The following NDUFAF2 variants were observed in gnomAD, a reference collection of about 807,000 sequenced individuals.
NDUFAF2 encodes NADH dehydrogenase [ubiquinone] 1 alpha subcomplex assembly factor 2.
In NDUFAF2, 13 loss-of-function variants were observed where a neutral mutation model predicts 22.8. The ratio of observed to expected loss-of-function variants is 0.57; its 90% CI spans 0.37 to 0.91. The LOEUF (loss-of-function observed/expected upper bound fraction) is 0.91. Ranked by LOEUF, NDUFAF2 falls within the 40% of genes least tolerant of loss-of-function variation. The pLI, the probability that NDUFAF2 is intolerant of heterozygous loss-of-function variation, is 0.01. For synonymous variants in NDUFAF2, 53 were observed against 64.2 expected, an observed-to-expected ratio of 0.83 and a Z score of 0.84; for missense variants, 162 against 195.2, an observed-to-expected ratio of 0.83 and a Z score of 1.01.
chr5:60,997,177 T>C (rs1751238715), intron 1 of NDUFAF2, among the ~76,000 whole-genome samples: 1 of 152,212 alleles, frequency 6.6e-6, no homozygotes, highest in Non-Finnish European at 1.5e-5. Flanking sequence ...CATTGATGCA[T>C]ATTAACAGCA....
chr5:61,142,120 G>C (rs774313648), intron 3 of NDUFAF2, among the ~76,000 whole-genome samples: 9 of 152,058 alleles, frequency 5.9e-5, no homozygotes, highest in Non-Finnish European at 1.2e-4. Context: ...TCTCCCACCA[G>C]GGTAGTTCAA....
chr5:60,973,116 T>A (rs1750857598), intron 1 of NDUFAF2, among the ~76,000 whole-genome samples: 1 of 152,164 alleles, frequency 6.6e-6, no homozygotes, highest in Non-Finnish European at 1.5e-5. Flanking sequence ...GATCCTTGCC[T>A]TTGTTTTAGA....
intron 2 of NDUFAF2, among the ~76,000 whole-genome samples, chr5:61,083,867 A>C (rs2111746243): frequency 6.6e-6 from 1 of 151,888 alleles, no homozygotes; most frequent in African/African-American, 2.4e-5. Context: ...CTCACTTATC[A>C]ATTGTATCAT....
intron 1 of NDUFAF2, among the ~76,000 whole-genome samples, chr5:61,051,349 T>C (rs1752021741): frequency 2.0e-5 from 3 of 152,188 alleles, no homozygotes; most frequent in African/African-American, 7.2e-5. Flanking sequence ...TTGCAGTCAA[T>C]CTGTGTTCCT....
At chr5:61,128,373 G>A (rs1318453468) in intron 3 of NDUFAF2, among the ~76,000 whole-genome samples, 1 of 152,142 alleles carries the variant, frequency 6.6e-6, no homozygotes, top group Non-Finnish European at 1.5e-5. Context: ...AAAGCTGGAG[G>A]CATCACGCTA....
Position 61,020,945 on chromosome 5 carries a change from C to T in NDUFAF2, c.128-52180C>T, listed in dbSNP as rs531989935. Among the ~76,000 whole-genome samples the T allele has an allele frequency of 1.5e-4, 23 of 150,250 alleles. No homozygotes were observed. The East Asian group carries it at 4.1e-3, about 27-fold the overall frequency. ...TCCTGACCTCGTGATCCGCCTGCCT[C>T]GGCCTCCCAGACTGCTGGGATTACA... On this transcript the variant is annotated intron_variant, in intron 1 of 3. Coordinates refer to ENST00000296597, the MANE Select transcript of NDUFAF2 (RefSeq NM_174889.5).
intron 3 of NDUFAF2, among the ~76,000 whole-genome samples, chr5:61,151,278 G>A (rs572419692): frequency 6.6e-6 from 1 of 151,486 alleles, no homozygotes; most frequent in Non-Finnish European, 1.5e-5. Context: ...ATATCCAGAT[G>A]TTGCCCTTTA....
At chr5:60,962,704 G>A (rs1170816306) in intron 1 of NDUFAF2, among the ~76,000 whole-genome samples, 3 of 151,276 alleles carry the variant, frequency 2.0e-5, no homozygotes, top group South Asian at 2.1e-4. Flanking sequence ...CTGGTGGCAC[G>A]CGCCTGTAGT....
At chr5:60,968,356 T>A (rs1392384924) in intron 1 of NDUFAF2, among the ~76,000 whole-genome samples, 1 of 151,918 alleles carries the variant, frequency 6.6e-6, no homozygotes, top group East Asian at 1.9e-4. Context: ...TGATATTTTT[T>A]ATTTCTTTTC....
chr5:61,118,907 A>G (rs1031068032), intron 3 of NDUFAF2, among the ~76,000 whole-genome samples: 2 of 152,188 alleles, frequency 1.3e-5, no homozygotes, highest in Non-Finnish European at 2.9e-5. Context: ...GTTCACAGTC[A>G]TGGAGAGCTT....
chr5:60,985,002 C>T (rs1005707722), intron 1 of NDUFAF2, among the ~76,000 whole-genome samples: 4 of 152,104 alleles, frequency 2.6e-5, no homozygotes, highest in Admixed American at 1.3e-4. Flanking sequence ...TGGTAGAATT[C>T]GGCTGTGAAT....
intron 3 of NDUFAF2, among the ~76,000 whole-genome samples, chr5:61,140,696 G>A (rs1192906838): frequency 1.3e-5 from 2 of 152,134 alleles, no homozygotes; most frequent in Non-Finnish European, 2.9e-5. Flanking sequence ...CACTTTCAGG[G>A]TGAAACCTAA....
intron 1 of NDUFAF2, among the ~76,000 whole-genome samples, chr5:60,958,787 T>A (rs1267331784): frequency 6.6e-6 from 1 of 152,158 alleles, no homozygotes; most frequent in Non-Finnish European, 1.5e-5. Context: ...TACTTTTCTT[T>A]TTATTATGGT....
At chr5:60,972,629 A>G (rs1202276313) in intron 1 of NDUFAF2, among the ~76,000 whole-genome samples, 1 of 152,164 alleles carries the variant, frequency 6.6e-6, no homozygotes, top group Non-Finnish European at 1.5e-5. Context: ...GAACAGACTA[A>G]TACAGCATTT....
At chr5:61,074,388 A>T (rs888685672) in intron 2 of NDUFAF2, among the ~76,000 whole-genome samples, 5 of 152,300 alleles carry the variant, frequency 3.3e-5, no homozygotes, top group Non-Finnish European at 7.3e-5. Flanking sequence ...AGAGATTAAG[A>T]TCATCCTGGC....
At chr5:61,115,157 C>T (rs1183493041) in intron 3 of NDUFAF2, 1 of 152,592 alleles carries the variant, frequency 6.6e-6, no homozygotes, top group Non-Finnish European at 1.5e-5. Context: ...TCTCCCCTTT[C>T]CACAAGCTAA....
chr5:61,020,547 A>ATGTGTGTGTG (rs68178917), intron 1 of NDUFAF2, among the ~76,000 whole-genome samples: 14 of 147,938 alleles, frequency 9.5e-5, no homozygotes, highest in African/African-American at 3.2e-4. Context: ...GGGTTTTGTT[A>ATGTGTGTGTG]TGTGTGTGTG....
chr5:61,135,787 C>T (rs923402741), intron 3 of NDUFAF2, among the ~76,000 whole-genome samples: 3 of 151,770 alleles, frequency 2.0e-5, no homozygotes, highest in Non-Finnish European at 4.4e-5. Flanking sequence ...ATCACGTGGG[C>T]AAGGCTACAG....
At chr5:61,062,508 C>T (rs974846545) in intron 1 of NDUFAF2, among the ~76,000 whole-genome samples, 34 of 151,868 alleles carry the variant, frequency 2.2e-4, no homozygotes, top group Middle Eastern at 3.4e-3. Context: ...TGGAATGACT[C>T]AGAGGAAAAA....
Sources: gnomAD v4.1 joint callset for allele counts (sites outside exome capture counted in the v4.1 genomes callset) on GRCh38, gnomAD v4.1.1 for gene constraint, MANE v1.5 for transcripts, NCBI Gene and HGNC (gene_info 2026-07-23, HGNC 2026-07-21) for gene names.